The following EPM2A variants were observed in gnomAD, a reference collection of about 807,000 sequenced individuals.
The protein encoded by EPM2A is laforin.
A neutral mutation model predicts 26.5 loss-of-function variants in EPM2A; 21 were observed. The ratio of observed to expected loss-of-function variants is 0.79; its 90% CI spans 0.56 to 1.14. The LOEUF (loss-of-function observed/expected upper bound fraction) is 1.14, where lower values mean the gene tolerates loss of function less well. Ranked by LOEUF, EPM2A falls within the 50% of genes most tolerant of loss-of-function variation. The pLI is 0.00. For synonymous variants in EPM2A, 217 were observed against 177.6 expected (o/e 1.22, Z -1.76); for missense variants, 458 against 440.8 (o/e 1.04, Z -0.35).
intron 1 of EPM2A, among the ~76,000 whole-genome samples, chr6:145,717,101 T>C (rs1428389764): frequency 6.6e-6 from 1 of 152,094 alleles, no homozygotes; most frequent in Admixed American, 6.5e-5. Context: ...GAGGGAATCC[T>C]CCCTAACTCA....
intron 4 of EPM2A, among the ~76,000 whole-genome samples, chr6:145,405,538 A>G (rs1394983996): frequency 1.3e-5 from 2 of 152,176 alleles, no homozygotes; most frequent in Non-Finnish European, 2.9e-5. Flanking sequence ...GCACTGTACC[A>G]TGTAGACTGT....
chr6:145,490,078 T>C lies in EPM2A; in HGVS notation c.555+12444A>G, dbSNP rs1012398738. 13 of 1,292,000 alleles carry C rather than the reference T, an allele frequency of 1.0e-5. No homozygotes were observed. In the Admixed American group the frequency reaches 2.6e-4, roughly 26 times the overall value. The allele number at this position is 1,292,000 out of a possible 1,614,324, so 80.0% of individuals were successfully genotyped here. On this transcript the variant is annotated intron_variant, in intron 4 of 4. Coordinates refer to the EPM2A transcript ENST00000638717. The stretch of plus-strand genomic sequence containing the variant: ...AATCCACCTGGACCTGAAGCAATGG[T>C]AGCACACGCACCTTCCCAATTTGTT...
chr6:145,552,218 G>A (rs1375288169), intron 2 of EPM2A, among the ~76,000 whole-genome samples: 1 of 151,916 alleles, frequency 6.6e-6, no homozygotes, highest in Non-Finnish European at 1.5e-5. Flanking sequence ...GAACTTTTAA[G>A]AACTATTGCA....
chr6:145,459,699 C>CATACT (rs59239067), intron 4 of EPM2A, among the ~76,000 whole-genome samples: 29 of 151,324 alleles, frequency 1.9e-4, no homozygotes, highest in Middle Eastern at 3.4e-3. Flanking sequence ...CTTCTTTTAG[C>CATACT]ATACTATACT....
At chr6:145,422,937 C>T (rs1307950254) in intron 4 of EPM2A, among the ~76,000 whole-genome samples, 1 of 151,768 alleles carries the variant, frequency 6.6e-6, no homozygotes, top group Non-Finnish European at 1.5e-5. Flanking sequence ...AAATATTTAG[C>T]CTTGCTTATG....
chr6:145,590,968 GA>G (rs1781266552), intron 2 of EPM2A, among the ~76,000 whole-genome samples: 1 of 152,090 alleles, frequency 6.6e-6, no homozygotes, highest in Non-Finnish European at 1.5e-5. Context: ...AAAATGTTAA[GA>G]AATCTAATGG....
rs373691797 is a variant in EPM2A, at chr6:145,419,522, A to G, written c.556-35425T>C. ...TGAATTGCCTTAAATATAATGATCA[A>G]ACTTGTAGCAAATGTATTGGTTAGA... On this transcript the variant is annotated intron_variant, in intron 4 of 4. Coordinates refer to the EPM2A transcript ENST00000638717. 1.4e-3 allele frequency among the ~76,000 whole-genome samples: 220 copies of G among 152,316 alleles called. 1 individual carries two copies. Among genetic ancestry groups the G allele is most frequent in the African/African-American group, 4.9e-3 (204 of 41,588 alleles).
At chr6:145,514,490 C>G (rs1340236533) in intron 2 of EPM2A, among the ~76,000 whole-genome samples, 1 of 152,044 alleles carries the variant, frequency 6.6e-6, no homozygotes, top group Non-Finnish European at 1.5e-5. Flanking sequence ...GATATATGTA[C>G]ATTTACTAAA....
chr6:145,439,186 C>T (rs1019488529), intron 4 of EPM2A, among the ~76,000 whole-genome samples: 1 of 152,158 alleles, frequency 6.6e-6, no homozygotes, highest in Non-Finnish European at 1.5e-5. Flanking sequence ...TGTATATATA[C>T]TAAATTTTCC....
chr6:145,662,866 G>A (rs1369004386), intron 2 of EPM2A, among the ~76,000 whole-genome samples: 1 of 152,044 alleles, frequency 6.6e-6, no homozygotes, highest in Non-Finnish European at 1.5e-5. Context: ...TTTTACAGGT[G>A]GTCTAGGAGG....
intron 1 of EPM2A, among the ~76,000 whole-genome samples, chr6:145,729,279 G>A (rs1433851570): frequency 2.6e-5 from 4 of 152,184 alleles, no homozygotes; most frequent in Non-Finnish European, 5.9e-5. Flanking sequence ...CTGCCTACTG[G>A]AGCTATGAAA....
At chr6:145,667,045 T>C (rs1286637406) in intron 2 of EPM2A, among the ~76,000 whole-genome samples, 1 of 129,480 alleles carries the variant, frequency 7.7e-6, no homozygotes, top group Non-Finnish European at 1.6e-5. Context: ...ATGTTAGACC[T>C]AAAACCATAA....
In EPM2A at chr6:145,565,666, G is replaced by A. The variant is rs111884173; in HGVS notation, c.341-63091C>T. ...AAAGGAAAGTCCTGAGTGAGGATGA[G>A]AGCACTGCTTTTTTTGGAAAGAGCT... On this transcript the variant is annotated intron_variant, in intron 2 of 3. Coordinates refer to the EPM2A transcript ENST00000450221. Among the ~76,000 whole-genome samples the A allele has an allele frequency of 5.1e-3, 782 of 152,260 alleles. 8 individuals are homozygous for A. Among genetic ancestry groups the A allele is most frequent in the African/African-American group, 0.018 (745 of 41,548 alleles).
intron 2 of EPM2A, among the ~76,000 whole-genome samples, chr6:145,660,784 A>G (rs1778642736): frequency 6.6e-6 from 1 of 152,240 alleles, no homozygotes; most frequent in Non-Finnish European, 1.5e-5. Context: ...CCTGGGAGAC[A>G]GCAAGACTCT....
At chr6:145,417,136 G>A (rs1562326709) in intron 4 of EPM2A, among the ~76,000 whole-genome samples, 1 of 152,146 alleles carries the variant, frequency 6.6e-6, no homozygotes, top group East Asian at 1.9e-4. Context: ...GCAGCTCAGC[G>A]ATTAGATAAG....
chr6:145,485,335 G>C (rs986075670), intron 4 of EPM2A, among the ~76,000 whole-genome samples: 1 of 152,086 alleles, frequency 6.6e-6, no homozygotes, highest in Non-Finnish European at 1.5e-5. Context: ...AACATGTTCT[G>C]ATAACTATAA....
intron 4 of EPM2A, among the ~76,000 whole-genome samples, chr6:145,429,742 G>T (rs1778898759): frequency 1.3e-5 from 2 of 152,074 alleles, no homozygotes; most frequent in Non-Finnish European, 2.9e-5. Context: ...AAAATTAGGA[G>T]AATTTTTTAA....
chr6:145,567,841 G>A (rs1371422262), intron 2 of EPM2A, among the ~76,000 whole-genome samples: 7 of 152,166 alleles, frequency 4.6e-5, no homozygotes, highest in Non-Finnish European at 7.3e-5. Context: ...TCTGACATCC[G>A]GCTCTGCTGT....
intron 4 of EPM2A, among the ~76,000 whole-genome samples, chr6:145,401,113 T>C (rs979587066): frequency 1.1e-4 from 16 of 152,154 alleles, no homozygotes; most frequent in African/African-American, 3.9e-4. Context: ...TATATTTCCA[T>C]TATCATTATG....
Sources: gnomAD v4.1 joint callset for allele counts (sites outside exome capture counted in the v4.1 genomes callset) on GRCh38, gnomAD v4.1.1 for gene constraint, MANE v1.5 for transcripts, NCBI Gene and HGNC (gene_info 2026-07-23, HGNC 2026-07-21) for gene names.